The following CACFD1 variants were observed in gnomAD, a reference collection of about 807,000 sequenced individuals.
CACFD1 encodes the protein calcium channel flower homolog.
In CACFD1, 26 loss-of-function variants were observed where a neutral mutation model predicts 21.3. The observed-to-expected ratio is 1.22, with a 90% CI of 0.89 to 1.69. The LOEUF (loss-of-function observed/expected upper bound fraction) is 1.69, where lower values mean the gene tolerates loss of function less well. Among genes scored for constraint, CACFD1 ranks in the 40% most tolerant of loss-of-function variants. CACFD1 has a pLI of 0.00. For synonymous variants in CACFD1, 121 were observed against 106.6 expected (o/e 1.13, Z -0.83); for missense variants, 265 against 236.2 (o/e 1.12, Z -0.80).
rs1843081006 is a variant in CACFD1 at position 133,460,203 on chromosome 9, G to C, written c.121+16G>C. 6.6e-7 allele frequency: 1 copy of C among 1,523,838 alleles called. No individual in the cohort carries two copies. Among genetic ancestry groups the C allele is most frequent in the South Asian group, 1.2e-5 (1 of 81,782 alleles). The allele number at this position is 1,523,838 out of a possible 1,614,324, so 94.4% of individuals were successfully genotyped here. On this transcript the variant is annotated intron_variant, in intron 1 of 4. Transcript: ENST00000316948. ...GGGGCAGTCTGTGAGTATCCAGTCG[G>C]GGAGAGGGGCCGGCCCCGCCGCGCA...
At chr9:133,463,586 G>C (rs782010662) in intron 2 of CACFD1, 31 bp downstream of exon 2, 1 of 1,611,436 alleles carries the variant, frequency 6.2e-7, no homozygotes, top group African/African-American at 1.3e-5. Flanking sequence ...CCACCCCGGG[G>C]GTCTTGCTGG....
intron 4 of CACFD1, 88 bp from the exon 5 acceptor site, chr9:133,468,475 G>A (rs999893038): frequency 1.9e-6 from 3 of 1,539,400 alleles, no homozygotes; most frequent in Non-Finnish European, 2.6e-6. Context: ...GTCACACCTG[G>A]GTCACAGGGC....
At chr9:133,463,384 G>T (rs1208121550) in intron 1 of CACFD1, 99 bp from the exon 2 acceptor site, 2 of 1,594,126 alleles carry the variant, frequency 1.3e-6, no homozygotes, top group Admixed American at 1.7e-5. Context: ...CTGAGCATCC[G>T]CAGAGACTCT....
At chr9:133,460,665 G>A (rs1843162050) in intron 1 of CACFD1, among the ~76,000 whole-genome samples, 1 of 152,240 alleles carries the variant, frequency 6.6e-6, no homozygotes, top group African/African-American at 2.4e-5. Context: ...AGGATTGTTT[G>A]TAAGGGAGGC....
At chr9:133,462,049 C>G (rs1487846031) in intron 1 of CACFD1, 2 of 1,288,832 alleles carry the variant, frequency 1.6e-6, no homozygotes, top group African/African-American at 3.0e-5. Flanking sequence ...TTGAGGCCCC[C>G]AAGTGGACAT....
At chr9:133,462,253 G>C (rs989541102) in intron 1 of CACFD1, 1 of 1,304,222 alleles carries the variant, frequency 7.7e-7, no homozygotes, top group Non-Finnish European at 1.0e-6. Flanking sequence ...GCAGGGAGCC[G>C]TGTCACCCTT....
rs782010662 is a variant in CACFD1, at chr9:133,463,586, G to A, written c.194+31G>A. 1.9e-6 allele frequency: 3 copies of A among 1,611,554 alleles called. No individual in the cohort carries two copies. The South Asian group carries it at 3.3e-5, about 18-fold the overall frequency. ...TAATGCATGGCCGTCCCACCCCGGG[G>A]GTCTTGCTGGTCGGGAATCTGCTGG... is the stretch of plus-strand genomic sequence containing the variant. On this transcript the variant is annotated intron_variant, in intron 2 of 4. Coordinates refer to ENST00000316948, the MANE Select transcript of CACFD1 (RefSeq NM_017586.5).
In CACFD1 at chr9:133,463,535, T is replaced by C. The variant is rs3124765; in HGVS notation, c.174T>C (p.Ile58=). The change falls in exon 2 of 5, where the codon ATT becomes ATC. Residue 58 remains isoleucine (I), a synonymous_variant. Transcript: ENST00000316948. ...GCATCACCATCCACCCTCTGAACATTGCGGCCGGCGTGTGGATGATGTGAG... is the reference window on the plus strand; with the variant it reads ...GCATCACCATCCACCCTCTGAACATCGCGGCCGGCGTGTGGATGATGTGAG... The part of the protein sequence containing the change: ...FNCITIHPLN[I]AAGVWMIMNA... The C allele has an allele frequency of 0.84, 1,362,064 of 1,613,800 alleles. 576,497 individuals are homozygous for C. Among genetic ancestry groups the C allele is most frequent in the East Asian group, 0.91 (40,992 of 44,880 alleles).
At chr9:133,466,218 T>C (rs1413867356) in intron 3 of CACFD1, among the ~76,000 whole-genome samples, 1 of 152,250 alleles carries the variant, frequency 6.6e-6, no homozygotes, top group Non-Finnish European at 1.5e-5. Context: ...AGCTCTTATC[T>C]ACACGCAGTG....
chr9:133,460,802 C>T (rs1843170646), intron 1 of CACFD1, among the ~76,000 whole-genome samples: 1 of 152,212 alleles, frequency 6.6e-6, no homozygotes, highest in Admixed American at 6.5e-5. Context: ...CGGCCTCTCC[C>T]TGGGTCCTCT....
In CACFD1 at chr9:133,465,265, GC is replaced by G; in HGVS notation, c.195-54del. 1 of 1,603,106 alleles carries G rather than the reference GC, an allele frequency of 6.2e-7. No homozygotes were observed. ...CCTTATGGCACTGGCACTGGGGGCC[GC>G]CCTCATCCTCCTGGGATTGTCAGTC... On this transcript the variant is annotated intron_variant, in intron 2 of 4. Transcript: ENST00000316948. This position sits in a 1 kb window ranked among gnomAD's most constrained non-coding sequence, Gnocchi z 5.0.
Position 133,468,557 on chromosome 9 carries a change from C to G in CACFD1, c.429-6C>G. 1 of 1,573,862 alleles carries G rather than the reference C, an allele frequency of 6.4e-7. No individual in the cohort carries two copies. Among genetic ancestry groups the G allele is most frequent in the South Asian group, 1.2e-5 (1 of 85,764 alleles). On this transcript the variant is annotated splice_polypyrimidine_tract_variant and splice_region_variant and intron_variant, in intron 4 of 4. Transcript: ENST00000316948. ...TCCACGTGACGCTGCCTCTCTCTCT[C>G]CCCAGGGGCGATGCGATCTCCTATG...
Position 133,460,004 on chromosome 9 carries a change from C to G in CACFD1, c.-63C>G, listed in dbSNP as rs1843058158. ...CCTCTCCCACAAGGCAGCGCGCCGG[C>G]TCGGACGCGGCCGGCTACCGAGCCC... On this transcript the variant is annotated 5_prime_UTR_variant, in exon 1 of 5. Coordinates refer to ENST00000316948, the MANE Select transcript of CACFD1 (RefSeq NM_017586.5). 1 of 1,465,894 alleles carries G rather than the reference C, an allele frequency of 6.8e-7. No individual in the cohort carries two copies. The highest frequency in any genetic ancestry group is 9.0e-7 in the Non-Finnish European group (1 of 1,110,646). The allele number at this position is 1,465,894 out of a possible 1,614,324, so 90.8% of individuals were successfully genotyped here.
At chr9:133,468,111 G>A (rs1843516521) in intron 4 of CACFD1, 83 bp downstream of exon 4, 1 of 1,243,812 alleles carries the variant, frequency 8.0e-7, no homozygotes, top group African/African-American at 1.5e-5. Flanking sequence ...ATCTGAGAGT[G>A]GCCCCTTTTA....
Position 133,469,961 on chromosome 9 carries a change from TGGCATCTGAGGCCAG to T in CACFD1, c.*1310_*1324del, listed in dbSNP as rs1554800665. 3.5e-5 allele frequency: 5 copies of T among 143,996 alleles called. No individual in the cohort carries two copies. The highest frequency in any genetic ancestry group is 7.4e-5 in the Non-Finnish European group (5 of 67,146). 8.9% of individuals were successfully genotyped at this position (143,996 alleles called of 1,614,324 possible). A position where few individuals can be genotyped will look rare whatever the true frequency, so the allele number is the denominator to read the frequency against. On this transcript the variant is annotated 3_prime_UTR_variant, in exon 5 of 5. Coordinates refer to ENST00000316948, the MANE Select transcript of CACFD1 (RefSeq NM_017586.5). The stretch of plus-strand genomic sequence containing the variant: ...TGGGAGTGGCATCTGAGGCCGGGAG[TGGCATCTGAGGCCAG>T]GAGTGGCAGGCTGGTGGGCTGGGCG...
At chr9:133,462,209 C>A in intron 1 of CACFD1, 1 of 1,304,232 alleles carries the variant, frequency 7.7e-7, no homozygotes, top group Non-Finnish European at 1.0e-6. Context: ...GAAGCACAGC[C>A]GAGCTGTCAG....
At chr9:133,468,247 A>G (rs111972774) in intron 4 of CACFD1, 1 of 1,423,774 alleles carries the variant, frequency 7.0e-7, no homozygotes, top group East Asian at 2.5e-5. Flanking sequence ...CACGGCCTGC[A>G]GCAAGGATAG....
intron 1 of CACFD1, among the ~76,000 whole-genome samples, chr9:133,460,483 G>GGGGGCGGGGGGGCGGCGGGGGC (rs1554798208): frequency 8.0e-6 from 1 of 124,538 alleles, no homozygotes; most frequent in Non-Finnish European, 2.0e-5. Flanking sequence ...GCGGGGGCGG[G>GGGGGCGGGGGGGCGGCGGGGGC]GGTGGGGCAC....
Position 133,460,176 on chromosome 9 carries a change from T to G in CACFD1, c.110T>G (p.Leu37Arg). 1.3e-6 allele frequency: 2 copies of G among 1,552,490 alleles called. No homozygotes were observed. Among genetic ancestry groups the G allele is most frequent in the Non-Finnish European group, 1.7e-6 (2 of 1,148,924 alleles). ...YRWLCRLSGV[L>R]GAVSCAISGL... ...TGGCTGTGTCGCCTGTCTGGGGTGCTGGGGGCAGTCTGTGAGTATCCAGTC... is the reference window on the plus strand; with the variant it reads ...TGGCTGTGTCGCCTGTCTGGGGTGCGGGGGGCAGTCTGTGAGTATCCAGTC... Residue 37 changes from leucine to arginine, a missense_variant, in exon 1 of 5, where the codon CTG becomes CGG. By Grantham distance (102) the Leu-to-Arg change is moderately radical. Transcript: ENST00000316948.
Sources: allele counts gnomAD v4.1 joint callset (sites outside exome capture counted in the v4.1 genomes callset), GRCh38; gene constraint gnomAD v4.1.1; non-coding constraint Gnocchi (gnomAD v3.1); transcripts MANE v1.5; gene names NCBI Gene and HGNC (gene_info 2026-07-23, HGNC 2026-07-21).